STK39: variants seen among roughly 807,000 people sequenced by gnomAD.
The protein encoded by STK39 is serine/threonine kinase 39.
In STK39, 20 loss-of-function variants were observed where a neutral mutation model predicts 77.8. The ratio of observed to expected loss-of-function variants is 0.26; its 90% confidence interval spans 0.18 to 0.37. STK39 has a LOEUF of 0.37. STK39 is among the 10% of genes least tolerant of loss of function. The pLI is 1.00. For missense variants in STK39, 479 were observed against 656.5 expected, an observed-to-expected ratio of 0.73 and a Z score of 2.95; for synonymous variants, 246 against 234.1, an observed-to-expected ratio of 1.05 and a Z score of -0.47.
At chr2:167,999,834 GTAGAA>G (rs1683950302) in intron 16 of STK39, among the ~76,000 whole-genome samples, 2 of 152,300 alleles carry the variant, frequency 1.3e-5, no homozygotes, top group South Asian at 4.2e-4. Context: ...ACAAAGAGTG[GTAGAA>G]GGCTCCTCCC....
chr2:168,184,180 T>C (rs1248929520), intron 1 of STK39, among the ~76,000 whole-genome samples: 1 of 152,222 alleles, frequency 6.6e-6, no homozygotes, highest in Non-Finnish European at 1.5e-5. Context: ...CCTCTCATAG[T>C]TAAGTCCTTG....
intron 16 of STK39, among the ~76,000 whole-genome samples, chr2:167,985,810 A>G (rs1559044988): frequency 6.6e-6 from 1 of 152,212 alleles, no homozygotes; most frequent in African/African-American, 2.4e-5. Flanking sequence ...AGCCGTAAGA[A>G]GGCATTTTAA....
intron 15 of STK39, among the ~76,000 whole-genome samples, chr2:168,015,025 A>G (rs756066457): frequency 3.3e-5 from 5 of 152,222 alleles, no homozygotes; most frequent in Non-Finnish European, 5.9e-5. Context: ...GAAATATTCC[A>G]TATCTGCGTG....
intron 13 of STK39, among the ~76,000 whole-genome samples, chr2:168,064,270 C>T (rs1323734879): frequency 6.6e-6 from 1 of 152,148 alleles, no homozygotes; most frequent in African/African-American, 2.4e-5. Flanking sequence ...TACTAGTTAT[C>T]CTAATCCCTG....
chr2:168,000,880 T>C (rs1462958905), intron 16 of STK39, among the ~76,000 whole-genome samples: 2 of 152,216 alleles, frequency 1.3e-5, no homozygotes, highest in Admixed American at 1.3e-4. Flanking sequence ...ACTGAAAAGA[T>C]GCTTTGAATC....
intron 17 of STK39, among the ~76,000 whole-genome samples, chr2:167,956,692 A>ACACACACACACACACACC (rs1691782125): frequency 2.2e-5 from 1 of 45,768 alleles, no homozygotes; most frequent in Non-Finnish European, 4.6e-5. Context: ...ACACACACAC[A>ACACACACACACACACACC]CACACTCTCT....
chr2:168,223,076 C>T (rs1197178595), intron 1 of STK39, among the ~76,000 whole-genome samples: 1 of 152,150 alleles, frequency 6.6e-6, no homozygotes, highest in African/African-American at 2.4e-5. Flanking sequence ...TGAAACACCA[C>T]AAAACACACT....
intron 14 of STK39, among the ~76,000 whole-genome samples, chr2:168,032,323 C>T (rs962637887): frequency 2.0e-5 from 3 of 152,208 alleles, no homozygotes; most frequent in Non-Finnish European, 4.4e-5. Flanking sequence ...CCATAACTCA[C>T]ATTTGGATGA....
In STK39 at chr2:168,012,699, G is replaced by T; in HGVS notation, c.1433C>A (p.Thr478Lys). The change falls in exon 16 of 18, where the codon ACA becomes AAA. Residue 478 changes from threonine (T) to lysine (K), a missense_variant. Coordinates refer to ENST00000355999, the MANE Select transcript of STK39 (RefSeq NM_013233.3). ...IRFEFTPGRD[T>K]ADGVSQELFS... Reference sequence around the variant, plus strand: ...GAGCTCCTGAGATACACCATCTGCTGTATCTGTCCAAATGTGAAATGAATA... The same window carrying T: ...GAGCTCCTGAGATACACCATCTGCTTTATCTGTCCAAATGTGAAATGAATA... 7 of 1,613,126 alleles carry T rather than the reference G, an allele frequency of 4.3e-6. No homozygotes were observed. Among genetic ancestry groups the T allele is most frequent in the Non-Finnish European group, 5.9e-6 (7 of 1,179,418 alleles).
At chr2:168,051,698 C>T (rs1013608339) in intron 14 of STK39, among the ~76,000 whole-genome samples, 3 of 152,208 alleles carry the variant, frequency 2.0e-5, no homozygotes, top group African/African-American at 4.8e-5. Context: ...AGCGATCCTC[C>T]TGCCTTGGTC....
At chr2:168,063,670 A>G in intron 13 of STK39, 100 bp from the exon 14 acceptor site, 1 of 1,163,944 alleles carries the variant, frequency 8.6e-7, no homozygotes, top group Non-Finnish European at 1.2e-6. Flanking sequence ...TCTTTCTGGA[A>G]ATTTCAAAAC....
At chr2:167,974,157 A>T (rs1559040094) in intron 16 of STK39, among the ~76,000 whole-genome samples, 1 of 152,168 alleles carries the variant, frequency 6.6e-6, no homozygotes, top group Non-Finnish European at 1.5e-5. Context: ...AACTACTGAC[A>T]AAAAAAGAAG....
chr2:167,964,565 G>A, intron 17 of STK39, 97 bp downstream of exon 17: 1 of 1,158,090 alleles, frequency 8.6e-7, no homozygotes, highest in African/African-American at 1.6e-5. Flanking sequence ...AACAACAACA[G>A]CAAAATTACA....
At position 168,068,011 on chromosome 2, in the gene STK39, C is replaced by A. The variant is rs116463847; in HGVS notation, c.1243-2630G>T. ...AAGGCACAGCTTACACGGTAGCAGG[C>A]AAGAGAGTGTGTGCAGGAGAACTGC... On this transcript the variant is annotated intron_variant, in intron 12 of 17. Transcript: ENST00000355999. Among the ~76,000 whole-genome samples the A allele has an allele frequency of 9.8e-3, 1,489 of 152,232 alleles. 24 individuals carry two copies. The highest frequency in any genetic ancestry group is 0.034 in the African/African-American group (1,424 of 41,530).
chr2:167,961,389 A>G, intron 17 of STK39, among the ~76,000 whole-genome samples: 1 of 152,326 alleles, frequency 6.6e-6, no homozygotes, highest in Non-Finnish European at 1.5e-5. Context: ...TGTTAATTAC[A>G]TGTTCTCAAA....
chr2:168,038,047 A>G (rs1211145529), intron 14 of STK39, among the ~76,000 whole-genome samples: 1 of 152,190 alleles, frequency 6.6e-6, no homozygotes, highest in East Asian at 1.9e-4. Context: ...ACAAACACAC[A>G]GAGTGAAATA....
At chr2:168,160,256 A>G (rs571336483) in intron 5 of STK39, among the ~76,000 whole-genome samples, 1 of 152,240 alleles carries the variant, frequency 6.6e-6, no homozygotes, top group Non-Finnish European at 1.5e-5. Context: ...ACAGAAAATT[A>G]GTTGTACTTC....
chr2:168,018,941 C>CA, intron 14 of STK39, among the ~76,000 whole-genome samples: 1 of 152,172 alleles, frequency 6.6e-6, no homozygotes, highest in African/African-American at 2.4e-5. Context: ...AAAGCCAGCC[C>CA]AAGTCTCACA....
At chr2:168,103,464 A>G (rs1264978928) in intron 10 of STK39, among the ~76,000 whole-genome samples, 2 of 152,240 alleles carry the variant, frequency 1.3e-5, no homozygotes, top group Non-Finnish European at 2.9e-5. Flanking sequence ...TCCAAGAAAC[A>G]GAAAACATTG....
Sources: gnomAD v4.1 joint callset for allele counts (sites outside exome capture counted in the v4.1 genomes callset) on GRCh38, gnomAD v4.1.1 for gene constraint, MANE v1.5 for transcripts, NCBI Gene and HGNC (gene_info 2026-07-23, HGNC 2026-07-21) for gene names.